SLC4A8: variants seen among roughly 807,000 people sequenced by gnomAD.
The protein encoded by SLC4A8 is solute carrier family 4 member 8, also known as electroneutral sodium bicarbonate exchanger 1.
Under a neutral mutation model 125.0 loss-of-function variants are expected in SLC4A8, and 40 were observed. The ratio of observed to expected loss-of-function variants is 0.32; its 90% CI spans 0.25 to 0.42. SLC4A8 has a LOEUF of 0.42. Ranked by LOEUF, SLC4A8 falls within the 10% of genes least tolerant of loss-of-function variation. The pLI, the probability that SLC4A8 is intolerant of heterozygous loss-of-function variation, is 1.00. For synonymous variants in SLC4A8, 456 were observed against 476.0 expected (o/e 0.96, Z 0.55); for missense variants, 863 against 1,355.1 (o/e 0.64, Z 5.70).
intron 2 of SLC4A8, among the ~76,000 whole-genome samples, chr12:51,443,498 T>C (rs1949665998): frequency 6.6e-6 from 1 of 152,130 alleles, no homozygotes. Context: ...CAATAGTCCA[T>C]GATGTGCTTC....
At position 51,470,312 on chromosome 12, in the gene SLC4A8, C is replaced by T. The variant is rs545280310; in HGVS notation, c.1525-80C>T. 3 of 1,394,722 alleles carry T rather than the reference C, an allele frequency of 2.2e-6. No individual in the cohort carries two copies. In the South Asian group the frequency reaches 3.8e-5, roughly 18 times the overall value. The allele number at this position is 1,394,722 out of a possible 1,614,324, so 86.4% of individuals were successfully genotyped here. Reference sequence around the variant, plus strand: ...ATGGCCATCAAGGCACACAGGAGAGCAAAGTCAGGAATGTAGCTAAGCCAA... The same window carrying T: ...ATGGCCATCAAGGCACACAGGAGAGTAAAGTCAGGAATGTAGCTAAGCCAA... On this transcript the variant is annotated intron_variant, in intron 12 of 24. Coordinates refer to ENST00000453097, the MANE Select transcript of SLC4A8 (RefSeq NM_001039960.3).
Position 51,489,912 on chromosome 12 carries a change from G to A in SLC4A8, c.2661G>A (p.Val887=), listed in dbSNP as rs201801177. ...EQRVTGLMIF[V]LMGCSVFMTA... ...GAGTGACAGGCCTTATGATCTTTGT[G>A]CTGATGGGCTGCTCAGTCTTCATGA... Residue 887 remains valine (V), a synonymous_variant, in exon 19 of 25, where the codon GTG becomes GTA. Transcript: ENST00000453097. 3 of 1,614,212 alleles carry A rather than the reference G, an allele frequency of 1.9e-6. No homozygotes were observed. The highest frequency in any genetic ancestry group is 3.3e-5 in the Admixed American group (2 of 60,022).
intron 1 of SLC4A8, among the ~76,000 whole-genome samples, chr12:51,438,698 C>A (rs1949495991): frequency 1.3e-5 from 2 of 152,274 alleles, no homozygotes; most frequent in South Asian, 4.1e-4. Context: ...TTTTGAGGAA[C>A]CTCCACTGTT....
At chr12:51,399,250 T>C (rs963036271) in intron 1 of SLC4A8, among the ~76,000 whole-genome samples, 3 of 152,212 alleles carry the variant, frequency 2.0e-5, no homozygotes, top group Non-Finnish European at 4.4e-5. Context: ...GAATCTTATT[T>C]ACTTATTTTC....
rs1426641136 is a variant in SLC4A8, at chr12:51,424,967, G to C, written c.-21G>C. ...GATGCTTGGCTTGGAGCCCGTGGGG[G>C]AGACCTAGTTCGGCTCCGCCATGCC... On this transcript the variant is annotated 5_prime_UTR_variant, in exon 1 of 25. Transcript: ENST00000453097. 1 of 1,551,270 alleles carries C rather than the reference G, an allele frequency of 6.4e-7. No individual in the cohort carries two copies.
chr12:51,452,373 A>G (rs1053760758), intron 4 of SLC4A8, 114 bp downstream of exon 4: 23 of 1,184,510 alleles, frequency 1.9e-5, no homozygotes, highest in Non-Finnish European at 2.6e-5. Context: ...TGTGACTGAC[A>G]TGGGGACTGA....
At chr12:51,498,049 AG>A (rs1355293318) in intron 22 of SLC4A8, among the ~76,000 whole-genome samples, 1 of 151,368 alleles carries the variant, frequency 6.6e-6, no homozygotes, top group Non-Finnish European at 1.5e-5. Context: ...TCCTATCTCA[AG>A]AAAAAAAAAA....
At chr12:51,397,467 G>A (rs2137916848) in intron 1 of SLC4A8, among the ~76,000 whole-genome samples, 1 of 152,242 alleles carries the variant, frequency 6.6e-6, no homozygotes, top group East Asian at 1.9e-4. Flanking sequence ...GAACAGAGAG[G>A]AGAATAAGAG....
intron 1 of SLC4A8, among the ~76,000 whole-genome samples, chr12:51,418,402 C>T (rs543469301): frequency 6.6e-5 from 10 of 152,246 alleles, no homozygotes; most frequent in Admixed American, 6.5e-4. Flanking sequence ...TCCGGAGAGA[C>T]CCAAAACAAT....
rs570037307 is a variant in SLC4A8, at chr12:51,481,816, G to A, written c.2173-3971G>A. On this transcript the variant is annotated intron_variant, in intron 16 of 24. Coordinates refer to ENST00000453097, the MANE Select transcript of SLC4A8 (RefSeq NM_001039960.3). ...AAAAAAAAAAAATTAGCCAGGCGTG[G>A]TGGTGTGTGATAGTAGTCCCAGCTA... Among the ~76,000 whole-genome samples the A allele has an allele frequency of 1.3e-3, 197 of 152,156 alleles. 1 individual carries two copies. The highest frequency in any genetic ancestry group is 4.5e-3 in the African/African-American group (187 of 41,522).
In SLC4A8 at chr12:51,514,285, C is replaced by A. The variant is rs1294528073; in HGVS notation, c.*6847C>A. ...GAGCCTTGCACTGAACCTCTCAGCTCTTTTGACTTTCTTCTGGTCATAGGT... is the reference window on the plus strand; with the variant it reads ...GAGCCTTGCACTGAACCTCTCAGCTATTTTGACTTTCTTCTGGTCATAGGT... On this transcript the variant is annotated 3_prime_UTR_variant, in exon 25 of 25. Transcript: ENST00000453097. 6.5e-6 allele frequency: 1 copy of A among 152,696 alleles called. No homozygotes were observed. Among genetic ancestry groups the A allele is most frequent in the African/African-American group, 2.4e-5 (1 of 41,460 alleles). The allele number at this position is 152,696 out of a possible 1,614,324, so 9.5% of individuals were successfully genotyped here.
Position 51,511,782 on chromosome 12 carries a change from G to T in SLC4A8, c.*4344G>T, listed in dbSNP as rs938524140. ...AACCTGAACCATTAGTGGTTGTCCA[G>T]ATCCTCCAACTTTTTCAGGCAGTAT... On this transcript the variant is annotated 3_prime_UTR_variant, in exon 25 of 25. Coordinates refer to ENST00000453097, the MANE Select transcript of SLC4A8 (RefSeq NM_001039960.3). 5.9e-5 allele frequency: 9 copies of T among 152,322 alleles called. No individual in the cohort carries two copies. The highest frequency in any genetic ancestry group is 3.4e-3 in the Middle Eastern group (1 of 294). The allele number at this position is 152,322 out of a possible 1,614,324, so 9.4% of individuals were successfully genotyped here. A position where few individuals can be genotyped will look rare whatever the true frequency, so the allele number is the denominator to read the frequency against.
chr12:51,455,793 C>T (rs1950130545), intron 5 of SLC4A8, among the ~76,000 whole-genome samples: 2 of 152,096 alleles, frequency 1.3e-5, no homozygotes, highest in South Asian at 4.1e-4. Context: ...CAGGGAGGTA[C>T]CCCAGAAGTA....
chr12:51,498,013 T>C (rs1937646370), intron 22 of SLC4A8: 1 of 151,578 alleles, frequency 6.6e-6, no homozygotes. Context: ...ATCATGCCAC[T>C]GCACTCCAGC....
intron 11 of SLC4A8, among the ~76,000 whole-genome samples, chr12:51,467,666 A>G (rs56047969): frequency 0.087 from 13,288 of 152,218 alleles, 789 homozygotes; most frequent in Middle Eastern, 0.13. Context: ...TTATTATAGA[A>G]AATTTCAAAC....
intron 11 of SLC4A8, among the ~76,000 whole-genome samples, chr12:51,464,561 T>C (rs891744179): frequency 1.3e-5 from 2 of 152,180 alleles, no homozygotes; most frequent in Admixed American, 1.3e-4. Context: ...TGGGTTAGTG[T>C]GATATCCAGG....
intron 9 of SLC4A8, chr12:51,462,105 G>A: frequency 1.8e-6 from 1 of 568,638 alleles, no homozygotes. Context: ...CATGTATTTA[G>A]TTCTTTTAAT....
chr12:51,485,763 G>A (rs752647672), intron 16 of SLC4A8, 24 bp from the exon 17 acceptor site: 2 of 1,339,318 alleles, frequency 1.5e-6, no homozygotes, highest in Admixed American at 1.7e-5. Flanking sequence ...GCCAAAACAT[G>A]TGTCCACTTC....
intron 1 of SLC4A8, 115 bp downstream of exon 1, chr12:51,425,150 G>A: frequency 6.9e-7 from 1 of 1,451,158 alleles, no homozygotes; most frequent in African/African-American, 1.4e-5. Context: ...GCTCCCTGAG[G>A]GCGAGGGGAG....
Sources: allele counts gnomAD v4.1 joint callset (sites outside exome capture counted in the v4.1 genomes callset), GRCh38; gene constraint gnomAD v4.1.1; transcripts MANE v1.5; gene names NCBI Gene and HGNC (gene_info 2026-07-23, HGNC 2026-07-21).